NUBPL: variants seen among roughly 807,000 people sequenced by gnomAD.
NUBPL encodes the protein NUBP iron-sulfur cluster assembly factor, mitochondrial, also known as iron-sulfur cluster transfer protein NUBPL.
A neutral mutation model predicts 45.7 loss-of-function variants in NUBPL; 31 were observed. The observed-to-expected ratio is 0.68, with a 90% CI of 0.51 to 0.92. The LOEUF is 0.92. Among genes scored for constraint, NUBPL ranks in the 40% least tolerant of loss-of-function variants. The pLI is 0.00. For missense variants in NUBPL, 401 were observed against 398.7 expected, an observed-to-expected ratio of 1.01 and a Z score of -0.05; for synonymous variants, 144 against 140.9, an observed-to-expected ratio of 1.02 and a Z score of -0.15.
In NUBPL at chr14:31,759,085, CA is replaced by C. The variant is rs1175318049; in HGVS notation, c.514-28686del. ...TATCGACTTTAAAAAAAACAAAAAA[CA>C]AAAAAAAAGGTCTCCTAAGTCCAAA... On this transcript the variant is annotated intron_variant, in intron 6 of 10. Transcript: ENST00000281081. Among the ~76,000 whole-genome samples the C allele has an allele frequency of 8.0e-5, 12 of 150,208 alleles. No individual in the cohort carries two copies. In the East Asian group the frequency reaches 1.4e-3, roughly 17 times the overall value.
chr14:31,811,406 G>A (rs556573405), intron 7 of NUBPL, among the ~76,000 whole-genome samples: 5 of 152,076 alleles, frequency 3.3e-5, no homozygotes, highest in East Asian at 3.9e-4. Flanking sequence ...CCACTTGATC[G>A]AATCGGCTAC....
At chr14:31,700,611 C>T (rs117683127) in intron 6 of NUBPL, among the ~76,000 whole-genome samples, 4,737 of 152,204 alleles carry the variant, frequency 0.031, 129 homozygotes, top group Admixed American at 0.059. Flanking sequence ...TCCGGGTGGG[C>T]GCAGGCTCGG....
intron 8 of NUBPL, among the ~76,000 whole-genome samples, chr14:31,838,175 G>A (rs569831597): frequency 2.6e-5 from 4 of 151,324 alleles, no homozygotes; most frequent in African/African-American, 9.7e-5. Flanking sequence ...GGAATGGCTG[G>A]AATTCTCATA....
chr14:31,588,346 A>G (rs776482020), intron 3 of NUBPL, among the ~76,000 whole-genome samples: 2 of 152,206 alleles, frequency 1.3e-5, no homozygotes, highest in African/African-American at 4.8e-5. Flanking sequence ...ACTGTTAGCT[A>G]TTCTTTAAGT....
intron 7 of NUBPL, among the ~76,000 whole-genome samples, chr14:31,807,864 A>G (rs565099321): frequency 1.3e-5 from 2 of 152,196 alleles, no homozygotes; most frequent in Non-Finnish European, 2.9e-5. Context: ...TCCCAGCACC[A>G]TTTATTAAAT....
chr14:31,828,649 C>T (rs2040141904), intron 8 of NUBPL, among the ~76,000 whole-genome samples: 1 of 152,184 alleles, frequency 6.6e-6, no homozygotes, highest in South Asian at 2.1e-4. Flanking sequence ...TTTCAACTGA[C>T]ACTGTCATTT....
chr14:31,774,422 A>G (rs1010604667), intron 6 of NUBPL, among the ~76,000 whole-genome samples: 3 of 152,230 alleles, frequency 2.0e-5, no homozygotes, highest in African/African-American at 4.8e-5. Context: ...CTTTCTGTTC[A>G]TCATGTAGAA....
chr14:31,742,478 A>G (rs1334634700), intron 6 of NUBPL, among the ~76,000 whole-genome samples: 1 of 152,210 alleles, frequency 6.6e-6, no homozygotes, highest in African/African-American at 2.4e-5. Context: ...AAGCTTCTAG[A>G]TGATGCTATT....
At chr14:31,630,804 A>G (rs1312477414) in intron 4 of NUBPL, among the ~76,000 whole-genome samples, 2 of 152,178 alleles carry the variant, frequency 1.3e-5, no homozygotes, top group Admixed American at 1.3e-4. Context: ...TGATGGGAAC[A>G]TAAACTGTTC....
intron 6 of NUBPL, among the ~76,000 whole-genome samples, chr14:31,719,510 A>G (rs1469765910): frequency 2.0e-5 from 3 of 151,982 alleles, no homozygotes; most frequent in Non-Finnish European, 4.4e-5. Context: ...AAACTACCTT[A>G]TTTAATTTGC....
intron 6 of NUBPL, among the ~76,000 whole-genome samples, chr14:31,687,835 G>A (rs2036990307): frequency 6.6e-6 from 1 of 152,136 alleles, no homozygotes; most frequent in Non-Finnish European, 1.5e-5. Flanking sequence ...AAAAAAAGTT[G>A]AATTGCTTGA....
chr14:31,830,339 A>T (rs528884480), intron 8 of NUBPL, among the ~76,000 whole-genome samples: 1 of 152,344 alleles, frequency 6.6e-6, no homozygotes, highest in East Asian at 1.9e-4. Context: ...AGTACTTTAT[A>T]TCATCCTGTA....
In NUBPL at chr14:31,834,388, C is replaced by T. The variant is rs1489566709; in HGVS notation, c.693+7674C>T. On this transcript the variant is annotated intron_variant, in intron 8 of 10. Transcript: ENST00000281081. ...TAGAGACGGGGTTTCACCGTGTTAG[C>T]CAGGATGGTCTCGATCTCCTGACTT... 4.6e-5 allele frequency among the ~76,000 whole-genome samples: 7 copies of T among 151,974 alleles called. No individual in the cohort carries two copies. The East Asian group carries it at 5.8e-4, about 13-fold the overall frequency.
At chr14:31,782,582 G>A (rs147977046) in intron 6 of NUBPL, among the ~76,000 whole-genome samples, 2,436 of 152,230 alleles carry the variant, frequency 0.016, 69 homozygotes, top group African/African-American at 0.056. Flanking sequence ...CCTGAGATCA[G>A]GAGTTTGAGA....
chr14:31,622,501 A>G (rs752850771), intron 4 of NUBPL, among the ~76,000 whole-genome samples: 7 of 151,678 alleles, frequency 4.6e-5, no homozygotes, highest in Non-Finnish European at 1.0e-4. Context: ...CCCTCCCATC[A>G]CGGGCTTAGG....
At chr14:31,589,152 A>G (rs985834102) in intron 3 of NUBPL, among the ~76,000 whole-genome samples, 1 of 152,138 alleles carries the variant, frequency 6.6e-6, no homozygotes, top group African/African-American at 2.4e-5. Flanking sequence ...AAATGAAATT[A>G]ATTCCATATA....
intron 6 of NUBPL, among the ~76,000 whole-genome samples, chr14:31,774,601 T>C (rs1566555200): frequency 2.6e-5 from 4 of 152,180 alleles, no homozygotes; most frequent in Admixed American, 2.6e-4. Flanking sequence ...AATTACCTTA[T>C]CTGCCCAAAT....
At chr14:31,639,204 C>T (rs2139690194) in intron 4 of NUBPL, among the ~76,000 whole-genome samples, 1 of 152,132 alleles carries the variant, frequency 6.6e-6, no homozygotes. Context: ...ATTTTTTCCC[C>T]ATCTTTGTGG....
chr14:31,692,982 G>A (rs1175730339), intron 6 of NUBPL, among the ~76,000 whole-genome samples: 2 of 151,936 alleles, frequency 1.3e-5, no homozygotes, highest in Non-Finnish European at 2.9e-5. Context: ...CAGCAGTAGA[G>A]GTTTCTTAGG....
Sources: gnomAD v4.1 joint callset for allele counts (sites outside exome capture counted in the v4.1 genomes callset) on GRCh38, gnomAD v4.1.1 for gene constraint, MANE v1.5 for transcripts, NCBI Gene and HGNC (gene_info 2026-07-23, HGNC 2026-07-21) for gene names.